FER1L5: variants seen among roughly 807,000 people sequenced by gnomAD.
The protein encoded by FER1L5 is fer-1-like protein 5.
Under a neutral mutation model 279.9 loss-of-function variants are expected in FER1L5, and 187 were observed. The ratio of observed to expected loss-of-function variants is 0.67; its 90% CI spans 0.59 to 0.75. The LOEUF is 0.75. Ranked by LOEUF, FER1L5 falls within the 30% of genes least tolerant of loss-of-function variation. The pLI, the probability that FER1L5 is intolerant of heterozygous loss-of-function variation, is 0.00. For synonymous variants in FER1L5, 921 were observed against 989.7 expected (o/e 0.93, Z 1.30); for missense variants, 2,091 against 2,594.4 (o/e 0.81, Z 4.21).
intron 19 of FER1L5, among the ~76,000 whole-genome samples, chr2:96,676,246 A>G (rs1057355358): frequency 2.6e-5 from 4 of 152,124 alleles, no homozygotes; most frequent in Admixed American, 2.6e-4. Flanking sequence ...ATCCTTATCC[A>G]CCACAACCTC....
At chr2:96,681,765 G>T (rs2076735882) in intron 19 of FER1L5, among the ~76,000 whole-genome samples, 1 of 127,326 alleles carries the variant, frequency 7.9e-6, no homozygotes, top group Non-Finnish European at 1.8e-5. Flanking sequence ...AGATTTTTGA[G>T]AGATTATTTT....
At chr2:96,687,985 C>T (rs774969792) in intron 24 of FER1L5, 38 bp downstream of exon 24, 21 of 1,548,296 alleles carry the variant, frequency 1.4e-5, no homozygotes, top group South Asian at 8.3e-5. Flanking sequence ...AGGGCAGGCA[C>T]GCGGGGGTGG....
At chr2:96,650,907 C>G (rs1277498568) in intron 6 of FER1L5, among the ~76,000 whole-genome samples, 1 of 152,236 alleles carries the variant, frequency 6.6e-6, no homozygotes, top group African/African-American at 2.4e-5. Context: ...ATTTCCCCCT[C>G]GCCACTTCTG....
chr2:96,654,135 G>C (rs560380971), intron 8 of FER1L5: 1 of 298,850 alleles, frequency 3.3e-6, no homozygotes, highest in Admixed American at 5.1e-5. Context: ...GGGAACAAAG[G>C]CACAGAGGAA....
intron 19 of FER1L5, among the ~76,000 whole-genome samples, chr2:96,677,498 C>T (rs1237387692): frequency 1.3e-5 from 2 of 152,144 alleles, no homozygotes; most frequent in East Asian, 1.9e-4. Flanking sequence ...AGTATTCCAT[C>T]GTATGGGTGT....
At chr2:96,648,422 A>T (rs1178551179) in intron 4 of FER1L5, among the ~76,000 whole-genome samples, 1 of 152,158 alleles carries the variant, frequency 6.6e-6, no homozygotes, top group African/African-American at 2.4e-5. Context: ...GGAGCGGGAG[A>T]GCTTCACAGT....
chr2:96,701,778 G>T (rs951157141), intron 45 of FER1L5, among the ~76,000 whole-genome samples, 177 bp from the exon 46 acceptor site: 1 of 152,166 alleles, frequency 6.6e-6, no homozygotes, highest in African/African-American at 2.4e-5. Context: ...TCAGCCAAAA[G>T]AAAGGGGGAA....
rs532806053 is a variant in FER1L5, at chr2:96,693,975, G to A, written c.3539G>A (p.Arg1180Gln). The A allele has an allele frequency of 2.6e-6, 4 of 1,551,532 alleles. No homozygotes were observed. Among genetic ancestry groups the A allele is most frequent in the East Asian group, 2.4e-5 (1 of 40,906 alleles). ...ATGGTCTGGCTGGATCTCCAGGACC[G>A]GATCCTGCCCCCCATGAGGTGGCAT... ...PPMVWLDLQD[R>Q]ILPPMRWHPL... The change falls in exon 33 of 53, where the codon CGG becomes CAG. Residue 1180 changes from arginine (R) to glutamine (Q), a missense_variant. Physicochemically the swap from Arg to Gln is conservative, Grantham distance 43. Coordinates refer to ENST00000624922, the MANE Select transcript of FER1L5 (RefSeq NM_001293083.2).
intron 14 of FER1L5, among the ~76,000 whole-genome samples, chr2:96,665,046 G>A (rs185767764): frequency 5.3e-5 from 8 of 152,232 alleles, no homozygotes; most frequent in Non-Finnish European, 1.0e-4. Context: ...ATCTGTCTCC[G>A]TCACCTATCA....
chr2:96,683,565 T>C (rs2076810125), intron 19 of FER1L5, among the ~76,000 whole-genome samples: 1 of 146,216 alleles, frequency 6.8e-6, no homozygotes, highest in African/African-American at 2.5e-5. Context: ...AGTATGCCTT[T>C]CCGGGGGGGA....
rs1425206259 is a variant in FER1L5 at position 96,694,209 on chromosome 2, G to A, written c.3636+137G>A. 15 of 1,357,536 alleles carry A rather than the reference G, an allele frequency of 1.1e-5. No homozygotes were observed. The South Asian group carries it at 1.5e-4, about 13-fold the overall frequency. The allele number at this position is 1,357,536 out of a possible 1,614,324, so 84.1% of individuals were successfully genotyped here. A position where few individuals can be genotyped will look rare whatever the true frequency, so the allele number is the denominator to read the frequency against. ...GATCCCGAGCTGTGGGCTTGGTGAC[G>A]CTGGCCTGACCAGCCTCTCCCCTAA... is the stretch of plus-strand genomic sequence containing the variant. On this transcript the variant is annotated intron_variant, in intron 33 of 52. Coordinates refer to ENST00000624922, the MANE Select transcript of FER1L5 (RefSeq NM_001293083.2). This position sits in a 1 kb window ranked among gnomAD's most constrained non-coding sequence, Gnocchi z 4.6.
intron 9 of FER1L5, among the ~76,000 whole-genome samples, chr2:96,658,077 C>G (rs975517289): frequency 6.6e-6 from 1 of 150,618 alleles, no homozygotes; most frequent in African/African-American, 2.4e-5. Context: ...AGTGCAATGG[C>G]GTGATCTCGG....
At chr2:96,661,644 A>G (rs751419176) in intron 11 of FER1L5, 24 bp from the exon 12 acceptor site, 91 of 1,551,450 alleles carry the variant, frequency 5.9e-5, no homozygotes, top group Non-Finnish European at 7.5e-5. Flanking sequence ...TACCTTGACT[A>G]TATCAGCTCT....
rs1049901859 is a variant in FER1L5, at chr2:96,691,116, G to A, written c.2744-74G>A. On this transcript the variant is annotated intron_variant, in intron 27 of 52. Transcript: ENST00000624922. This position sits in a 1 kb window ranked among gnomAD's most constrained non-coding sequence, Gnocchi z 6.0. ...GGGAAGTAATGCCCCTCTAGGGCCTGTCTCCCGGGTTTGTCCAGGCCTCCC... is the reference window on the plus strand; with the variant it reads ...GGGAAGTAATGCCCCTCTAGGGCCTATCTCCCGGGTTTGTCCAGGCCTCCC... 1.3e-5 allele frequency: 19 copies of A among 1,469,654 alleles called. No individual in the cohort carries two copies. Among genetic ancestry groups the A allele is most frequent in the Middle Eastern group, 2.3e-4 (1 of 4,282 alleles). 91.0% of individuals were successfully genotyped at this position (1,469,654 alleles called of 1,614,324 possible).
Position 96,649,696 on chromosome 2 carries a change from C to T in FER1L5, c.394+19C>T. The T allele has an allele frequency of 6.4e-7, 1 of 1,551,100 alleles. No homozygotes were observed. The highest frequency in any genetic ancestry group is 8.7e-7 in the Non-Finnish European group (1 of 1,146,598). On this transcript the variant is annotated intron_variant, in intron 5 of 52. Transcript: ENST00000624922. Reference sequence around the variant, plus strand: ...AAGACAGGTATGTCCTTCCCTGGAGCTTACCCTTAAGGGCCTACCCTGCCT... The same window carrying T: ...AAGACAGGTATGTCCTTCCCTGGAGTTTACCCTTAAGGGCCTACCCTGCCT...
chr2:96,644,624 C>T (rs1202952959), intron 1 of FER1L5, among the ~76,000 whole-genome samples: 1 of 152,042 alleles, frequency 6.6e-6, no homozygotes, highest in Non-Finnish European at 1.5e-5. Context: ...GAAAACCGGG[C>T]CCAAGAGAAA....
chr2:96,680,399 A>G (rs1330444116), intron 19 of FER1L5, among the ~76,000 whole-genome samples: 1 of 151,804 alleles, frequency 6.6e-6, no homozygotes, highest in Non-Finnish European at 1.5e-5. Flanking sequence ...TCCCCACTGT[A>G]TCTCCTTCCG....
intron 10 of FER1L5, 94 bp downstream of exon 10, chr2:96,660,465 G>A (rs1197486218): frequency 9.5e-7 from 1 of 1,054,022 alleles, no homozygotes; most frequent in African/African-American, 1.6e-5. Context: ...CAACACATGG[G>A]TGGAGGGGAG....
Position 96,669,155 on chromosome 2 carries a change from G to A in FER1L5, c.1362+18G>A, listed in dbSNP as rs1369420671. 1 of 1,549,680 alleles carries A rather than the reference G, an allele frequency of 6.5e-7. No homozygotes were observed. Among genetic ancestry groups the A allele is most frequent in the South Asian group, 1.2e-5 (1 of 83,928 alleles). On this transcript the variant is annotated intron_variant, in intron 17 of 52. Coordinates refer to ENST00000624922, the MANE Select transcript of FER1L5 (RefSeq NM_001293083.2). ...AAGGCGCTGTAAGCTTCTCACATCA[G>A]CTCTAGGGTACAGTGGAGGTAGAGC...
Sources: gnomAD v4.1 joint callset for allele counts (sites outside exome capture counted in the v4.1 genomes callset) on GRCh38, gnomAD v4.1.1 for gene constraint, Gnocchi (gnomAD v3.1) non-coding constraint, MANE v1.5 for transcripts, NCBI Gene and HGNC (gene_info 2026-07-23, HGNC 2026-07-21) for gene names.